Variants in GRID1 observed in about 807,000 individuals in gnomAD.
GRID1 encodes the protein glutamate ionotropic receptor delta type subunit 1, also known as glutamate receptor ionotropic, delta-1.
GRID1 carries 28 observed loss-of-function variants against 98.0 expected under a neutral mutation model. That is an observed-to-expected ratio of 0.29 (90% confidence interval 0.21 to 0.39). GRID1 has a LOEUF of 0.39. GRID1 is among the 10% of genes least tolerant of loss of function. GRID1 has a pLI of 1.00. For synonymous variants in GRID1, 553 were observed against 538.5 expected (o/e 1.03, Z -0.37); for missense variants, 1,111 against 1,340.5 (o/e 0.83, Z 2.67).
intron 2 of GRID1, among the ~76,000 whole-genome samples, chr10:86,275,545 A>G (rs371504597): frequency 1.3e-5 from 2 of 152,188 alleles, no homozygotes; most frequent in African/African-American, 4.8e-5. Context: ...GAAATTATAC[A>G]TAAACAAAAT....
chr10:85,648,391 A>T (rs897259201), intron 12 of GRID1, among the ~76,000 whole-genome samples: 3 of 152,188 alleles, frequency 2.0e-5, no homozygotes, highest in Non-Finnish European at 2.9e-5. Flanking sequence ...ATTGCAAAAT[A>T]AAAAAAGCCC....
At chr10:86,256,260 C>A (rs1846916143) in intron 2 of GRID1, among the ~76,000 whole-genome samples, 1 of 152,274 alleles carries the variant, frequency 6.6e-6, no homozygotes, top group South Asian at 2.1e-4. Context: ...TCTGCTCCCA[C>A]AAGGAACAGC....
At chr10:86,320,935 T>TA (rs1424308205) in intron 2 of GRID1, among the ~76,000 whole-genome samples, 8 of 151,722 alleles carry the variant, frequency 5.3e-5, no homozygotes, top group Non-Finnish European at 1.2e-4. Context: ...CCGTCTCTAC[T>TA]AAAAAACACA....
chr10:85,650,633 T>C (rs1486077865), intron 12 of GRID1, among the ~76,000 whole-genome samples: 1 of 152,060 alleles, frequency 6.6e-6, no homozygotes, highest in Non-Finnish European at 1.5e-5. Context: ...GTATGGGGGA[T>C]CCCAGAAGCA....
At chr10:86,092,964 T>C (rs897765470) in intron 4 of GRID1, among the ~76,000 whole-genome samples, 3 of 152,178 alleles carry the variant, frequency 2.0e-5, no homozygotes, top group African/African-American at 4.8e-5. Flanking sequence ...TTTTCCAAGA[T>C]AGACAATATG....
intron 12 of GRID1, among the ~76,000 whole-genome samples, chr10:85,675,200 C>T (rs1249647049): frequency 6.6e-6 from 1 of 152,146 alleles, no homozygotes; most frequent in Non-Finnish European, 1.5e-5. Context: ...CCTAGTGATG[C>T]TGTCTGCTCT....
At chr10:86,271,146 T>G (rs12261036) in intron 2 of GRID1, among the ~76,000 whole-genome samples, 9,487 of 152,220 alleles carry the variant, frequency 0.062, 515 homozygotes, top group African/African-American at 0.15. Context: ...ATCCAAAAGA[T>G]TTGAAGGAAT....
intron 4 of GRID1, among the ~76,000 whole-genome samples, chr10:86,117,287 C>G (rs976814680): frequency 6.6e-5 from 10 of 151,238 alleles, no homozygotes; most frequent in Non-Finnish European, 1.5e-5. Context: ...CCAACACCAT[C>G]ACCACCATCA....
At chr10:85,903,760 C>T (rs574016722) in intron 5 of GRID1, among the ~76,000 whole-genome samples, 88 of 152,320 alleles carry the variant, frequency 5.8e-4, no homozygotes, top group Non-Finnish European at 1.1e-3. Flanking sequence ...GGCCTCTGTG[C>T]CATTCCTAAA....
intron 12 of GRID1, among the ~76,000 whole-genome samples, chr10:85,703,451 A>G (rs1416817546): frequency 6.6e-6 from 1 of 152,108 alleles, no homozygotes; most frequent in Non-Finnish European, 1.5e-5. Context: ...GAGACGCCAT[A>G]TAGGATGTTA....
At chr10:86,103,678 G>C (rs1844334801) in intron 4 of GRID1, among the ~76,000 whole-genome samples, 2 of 152,224 alleles carry the variant, frequency 1.3e-5, no homozygotes, top group African/African-American at 4.8e-5. Flanking sequence ...TTCTGCTCCA[G>C]CCATGGCTCT....
chr10:85,954,052 C>G (rs1465175997), intron 4 of GRID1, among the ~76,000 whole-genome samples: 3 of 152,096 alleles, frequency 2.0e-5, no homozygotes, highest in Non-Finnish European at 4.4e-5. Flanking sequence ...ATAATCAAGT[C>G]AAATGAGAGG....
At chr10:85,807,471 T>C (rs1350293742) in intron 8 of GRID1, among the ~76,000 whole-genome samples, 2 of 152,094 alleles carry the variant, frequency 1.3e-5, no homozygotes, top group African/African-American at 4.8e-5. Context: ...AAGATAATCA[T>C]GTGACTTAAA....
At chr10:86,297,398 C>T (rs1361400300) in intron 2 of GRID1, among the ~76,000 whole-genome samples, 1 of 152,078 alleles carries the variant, frequency 6.6e-6, no homozygotes, top group Non-Finnish European at 1.5e-5. Context: ...TAATAAATTG[C>T]GCTGATAGTT....
At chr10:85,808,228 C>T (rs1434399928) in intron 8 of GRID1, among the ~76,000 whole-genome samples, 1 of 152,096 alleles carries the variant, frequency 6.6e-6, no homozygotes, top group Non-Finnish European at 1.5e-5. Flanking sequence ...TTATTACCTG[C>T]AGATATTTTT....
chr10:86,363,897 C>T (rs375243386), intron 2 of GRID1, 44 bp downstream of exon 2: 12 of 1,574,176 alleles, frequency 7.6e-6, no homozygotes, highest in Non-Finnish European at 9.6e-6. Flanking sequence ...TGCGACGCCT[C>T]GCAGGCCGTG....
intron 8 of GRID1, among the ~76,000 whole-genome samples, chr10:85,840,304 A>C (rs1842950323): frequency 6.6e-6 from 1 of 152,010 alleles, no homozygotes; most frequent in Non-Finnish European, 1.5e-5. Flanking sequence ...ATACAACCAA[A>C]TAAGAAAAGT....
chr10:86,178,290 C>T (rs1845606149), intron 3 of GRID1, among the ~76,000 whole-genome samples: 1 of 152,112 alleles, frequency 6.6e-6, no homozygotes. Context: ...TTATATCCAT[C>T]GTGCCCTTCT....
At chr10:86,130,466 C>T (rs1193830100) in intron 4 of GRID1, among the ~76,000 whole-genome samples, 1 of 152,198 alleles carries the variant, frequency 6.6e-6, no homozygotes, top group African/African-American at 2.4e-5. Context: ...ACCCCAAATC[C>T]CAGGCTCCAT....
Sources: allele counts gnomAD v4.1 joint callset (sites outside exome capture counted in the v4.1 genomes callset), GRCh38; gene constraint gnomAD v4.1.1; transcripts MANE v1.5; gene names NCBI Gene and HGNC (gene_info 2026-07-23, HGNC 2026-07-21).